UNC5D: variants seen among roughly 807,000 people sequenced by gnomAD.
UNC5D encodes the protein unc-5 netrin receptor D, also known as netrin receptor UNC5D.
A neutral mutation model predicts 105.4 loss-of-function variants in UNC5D; 39 were observed. That is an observed-to-expected ratio of 0.37 (90% CI 0.29 to 0.48). The LOEUF is 0.48. Among genes scored for constraint, UNC5D ranks in the 20% least tolerant of loss-of-function variants. The pLI is 0.98. For missense variants in UNC5D, 991 were observed against 1,202.4 expected (o/e 0.82, Z 2.60); for synonymous variants, 452 against 450.4 (o/e 1.00, Z -0.04).
Position 35,349,546 on chromosome 8 carries a change from T to G in UNC5D, c.103+113659T>G, listed in dbSNP as rs188358292. Among the ~76,000 whole-genome samples the G allele has an allele frequency of 3.4e-3, 523 of 152,106 alleles. 4 individuals carry two copies. Among genetic ancestry groups the G allele is most frequent in the African/African-American group, 0.012 (502 of 41,564 alleles). On this transcript the variant is annotated intron_variant, in intron 1 of 16. Transcript: ENST00000404895. The stretch of plus-strand genomic sequence containing the variant: ...TAATTTTCAATCAAAAGCACAAATT[T>G]TGTCATTGGCAATGAATACTGTCAG...
intron 1 of UNC5D, among the ~76,000 whole-genome samples, chr8:35,419,339 A>G (rs1290407165): frequency 2.6e-5 from 4 of 152,040 alleles, no homozygotes; most frequent in East Asian, 3.9e-4. Flanking sequence ...AGTTCTTCCC[A>G]CTTGGCCAAG....
At chr8:35,456,189 G>A (rs566758190) in intron 1 of UNC5D, among the ~76,000 whole-genome samples, 2 of 152,122 alleles carry the variant, frequency 1.3e-5, no homozygotes, top group East Asian at 1.9e-4. Flanking sequence ...TAATTTAATG[G>A]CATTTCTGAT....
intron 1 of UNC5D, among the ~76,000 whole-genome samples, chr8:35,240,607 C>T (rs756441874): frequency 3.9e-5 from 6 of 152,068 alleles, no homozygotes; most frequent in Non-Finnish European, 8.8e-5. Context: ...GAAAGCTTGC[C>T]CAAGGCCATG....
chr8:35,481,285 C>T (rs970661683), intron 1 of UNC5D, among the ~76,000 whole-genome samples: 1 of 152,072 alleles, frequency 6.6e-6, no homozygotes, highest in African/African-American at 2.4e-5. Flanking sequence ...CTGTTCTTAT[C>T]AGAGCTAAGG....
chr8:35,750,952 C>T (rs1324636632), intron 13 of UNC5D, 143 bp downstream of exon 13: 4 of 921,692 alleles, frequency 4.3e-6, no homozygotes, highest in Non-Finnish European at 6.7e-6. Flanking sequence ...TTCACCTTGC[C>T]TGCTGCCTAG....
intron 4 of UNC5D, among the ~76,000 whole-genome samples, chr8:35,618,475 G>T (rs951875217): frequency 4.6e-5 from 7 of 152,162 alleles, no homozygotes; most frequent in Non-Finnish European, 1.0e-4. Context: ...AGAGAGAAAA[G>T]ACTTCAAAGT....
chr8:35,627,234 C>A (rs1218265261), intron 4 of UNC5D, among the ~76,000 whole-genome samples: 1 of 152,146 alleles, frequency 6.6e-6, no homozygotes, highest in East Asian at 1.9e-4. Context: ...TGAGACACAC[C>A]CTCTAGAGTA....
chr8:35,285,962 G>A lies in UNC5D; in HGVS notation c.103+50075G>A, dbSNP rs145149584. ...ACATAGAAACAGAAACATTAGAAAC[G>A]TAAGTCACAGTTTGTGAGTATGTCA... On this transcript the variant is annotated intron_variant, in intron 1 of 16. Transcript: ENST00000404895. Among the ~76,000 whole-genome samples the A allele has an allele frequency of 5.5e-4, 75 of 135,470 alleles. 2 individuals are homozygous for A. The East Asian group carries it at 9.0e-3, about 16-fold the overall frequency. The allele number at this position is 135,470 out of a possible 152,430, so 88.9% of individuals were successfully genotyped here. A position where few individuals can be genotyped will look rare whatever the true frequency, so the allele number is the denominator to read the frequency against.
intron 1 of UNC5D, among the ~76,000 whole-genome samples, chr8:35,257,108 A>T (rs1033974430): frequency 2.6e-5 from 4 of 151,576 alleles, no homozygotes; most frequent in African/African-American, 9.7e-5. Context: ...AGTAGCTGGG[A>T]TTACAGGCAC....
chr8:35,543,417 G>A (rs1312480275), intron 1 of UNC5D, among the ~76,000 whole-genome samples: 1 of 152,030 alleles, frequency 6.6e-6, no homozygotes, highest in Non-Finnish European at 1.5e-5. Context: ...TGTGGGCCCC[G>A]GTGTGCCCAA....
At chr8:35,542,592 A>G (rs1815357664) in intron 1 of UNC5D, among the ~76,000 whole-genome samples, 1 of 152,242 alleles carries the variant, frequency 6.6e-6, no homozygotes, top group African/African-American at 2.4e-5. Flanking sequence ...CCCATTGTCT[A>G]TTAGCCTGCT....
intron 1 of UNC5D, among the ~76,000 whole-genome samples, chr8:35,265,209 C>T (rs2405814): frequency 1.4e-5 from 1 of 71,354 alleles, no homozygotes. Flanking sequence ...GTGACCTTAT[C>T]ATAGTCTGAT....
chr8:35,264,941 G>A (rs1804754883), intron 1 of UNC5D, among the ~76,000 whole-genome samples: 2 of 152,108 alleles, frequency 1.3e-5, no homozygotes, highest in African/African-American at 4.8e-5. Flanking sequence ...CATAAAATGG[G>A]CAGATGGTTC....
At chr8:35,744,664 C>T (rs1334249766) in intron 11 of UNC5D, among the ~76,000 whole-genome samples, 1 of 152,120 alleles carries the variant, frequency 6.6e-6, no homozygotes, top group Non-Finnish European at 1.5e-5. Context: ...TTCAAGCTGG[C>T]TTCTGTGTCC....
chr8:35,258,474 T>C (rs995074636), intron 1 of UNC5D, among the ~76,000 whole-genome samples: 1 of 152,198 alleles, frequency 6.6e-6, no homozygotes, highest in Non-Finnish European at 1.5e-5. Context: ...TTAGTACTTA[T>C]GAGCTGTGTG....
At chr8:35,427,282 T>C (rs960917797) in intron 1 of UNC5D, among the ~76,000 whole-genome samples, 3 of 152,200 alleles carry the variant, frequency 2.0e-5, no homozygotes, top group African/African-American at 7.2e-5. Flanking sequence ...TTCTACTGAA[T>C]GTTCACATGC....
intron 1 of UNC5D, among the ~76,000 whole-genome samples, chr8:35,416,706 A>AG (rs1411400203): frequency 6.6e-6 from 1 of 152,088 alleles, no homozygotes; most frequent in Non-Finnish European, 1.5e-5. Flanking sequence ...CAACTGGAAG[A>AG]GAAAAAAAAA....
At chr8:35,567,803 A>G (rs778454805) in intron 2 of UNC5D, among the ~76,000 whole-genome samples, 1 of 152,194 alleles carries the variant, frequency 6.6e-6, no homozygotes, top group Admixed American at 6.5e-5. Context: ...TGTAAAATCT[A>G]TGAGGAATGT....
intron 7 of UNC5D, 128 bp downstream of exon 7, chr8:35,686,837 T>C (rs1826040162): frequency 8.3e-7 from 1 of 1,202,598 alleles, no homozygotes; most frequent in Admixed American, 3.2e-5. Context: ...AGGGCAAAAA[T>C]AAATTAGGTA....
Sources: gnomAD v4.1 joint callset for allele counts (sites outside exome capture counted in the v4.1 genomes callset) on GRCh38, gnomAD v4.1.1 for gene constraint, MANE v1.5 for transcripts, NCBI Gene and HGNC (gene_info 2026-07-23, HGNC 2026-07-21) for gene names.